CDH5: variants seen among roughly 807,000 people sequenced by gnomAD.
CDH5 encodes cadherin-5.
CDH5 carries 28 observed loss-of-function variants against 62.0 expected under a neutral mutation model. That is an observed-to-expected ratio of 0.45 (90% CI 0.33 to 0.62). CDH5 has a LOEUF of 0.62. CDH5 is among the 20% of genes least tolerant of loss of function. CDH5 has a pLI of 0.02. For synonymous variants in CDH5, 464 were observed against 445.8 expected (o/e 1.04, Z -0.52); for missense variants, 940 against 1,065.1 (o/e 0.88, Z 1.63).
At position 66,395,018 on chromosome 16, in the gene CDH5, C is replaced by CTTT. The variant is rs1174519256; in HGVS notation, c.1218-998_1218-996dup. Reference sequence around the variant, plus strand: ...GCACACACCACCACACCAGGCTAATCTTTTTTTTTTTTTTTTTTTTTTTTT... The same window carrying CTTT: ...GCACACACCACCACACCAGGCTAATCTTTTTTTTTTTTTTTTTTTTTTTTTTTT... On this transcript the variant is annotated intron_variant, in intron 7 of 11. Transcript: ENST00000341529. Among the ~76,000 whole-genome samples, 71 of 13,806 alleles carry CTTT rather than the reference C, an allele frequency of 5.1e-3. 29 individuals are homozygous for CTTT. Among genetic ancestry groups the CTTT allele is most frequent in the Non-Finnish European group, 7.1e-3 (46 of 6,522 alleles). The allele number at this position is 13,806 out of a possible 152,430, so 9.1% of individuals were successfully genotyped here.
chr16:66,386,884 G>A lies in CDH5; in HGVS notation c.286G>A (p.Asp96Asn), dbSNP rs767473826. ...ATATGTGGGCAAGGTCTTCCGGGTC[G>A]ATGCAGAGACAGGAGACGTGTTCGC... Reference protein sequence around the residue: ...GEYVGKVFRVDAETGDVFAIE... With the variant: ...GEYVGKVFRVNAETGDVFAIE... Residue 96 changes from aspartate (D) to asparagine (N), a missense_variant, in exon 3 of 12, where the codon GAT becomes AAT. Transcript: ENST00000341529. 1.3e-5 allele frequency: 21 copies of A among 1,614,068 alleles called. No homozygotes were observed. The highest frequency in any genetic ancestry group is 1.6e-4 in the Middle Eastern group (1 of 6,084).
rs541323375 is a variant in CDH5, at chr16:66,397,927, C to T, written c.1361-55C>T. The T allele has an allele frequency of 1.1e-5, 18 of 1,610,086 alleles. No individual in the cohort carries two copies. In the Admixed American group the frequency reaches 1.2e-4, roughly 10 times the overall value. ...AGCCCTCCTTCCACACATCTTCCAC[C>T]GCCCAAGGCCAGCATCAGCTGAGCC... On this transcript the variant is annotated intron_variant, in intron 8 of 11. Coordinates refer to ENST00000341529, the MANE Select transcript of CDH5 (RefSeq NM_001795.5).
chr16:66,398,604 C>CACCTGTAGACCTGAG (rs750584524), intron 10 of CDH5, 43 bp downstream of exon 10: 10 of 1,006,498 alleles, frequency 9.9e-6, no homozygotes, highest in Admixed American at 8.7e-5. Flanking sequence ...TGATGACCCA[C>CACCTGTAGACCTGAG]ACCTGTAGTC....
intron 7 of CDH5, among the ~76,000 whole-genome samples, chr16:66,394,281 G>A (rs929756361): frequency 2.6e-5 from 4 of 152,064 alleles, no homozygotes; most frequent in African/African-American, 9.7e-5. Context: ...ACATTTGTTA[G>A]TCCTGTTTTC....
intron 1 of CDH5, among the ~76,000 whole-genome samples, chr16:66,373,960 T>G (rs537773484): frequency 6.6e-6 from 1 of 152,114 alleles, no homozygotes; most frequent in African/African-American, 2.4e-5. Flanking sequence ...TCATTATTAT[T>G]ACATGTGAAT....
intron 2 of CDH5, among the ~76,000 whole-genome samples, chr16:66,381,047 C>A (rs1361428082): frequency 6.6e-6 from 1 of 152,104 alleles, no homozygotes; most frequent in Non-Finnish European, 1.5e-5. Context: ...GACCAGCCAA[C>A]CCTGCCGTGA....
chr16:66,387,278 T>C (rs945727144), intron 3 of CDH5, among the ~76,000 whole-genome samples, 181 bp downstream of exon 3: 1 of 152,262 alleles, frequency 6.6e-6, no homozygotes, highest in African/African-American at 2.4e-5. Context: ...AGCTCTGATC[T>C]GGCCACAGGC....
chr16:66,367,761 G>C (rs1225451797), intron 1 of CDH5, among the ~76,000 whole-genome samples: 1 of 152,172 alleles, frequency 6.6e-6, no homozygotes, highest in Non-Finnish European at 1.5e-5. Flanking sequence ...TTTGAACCAG[G>C]ATCTCGTACT....
Position 66,400,955 on chromosome 16 carries a change from C to T in CDH5, c.1776C>T (p.Ala592=), listed in dbSNP as rs1186344797. The change falls in exon 11 of 12, where the codon GCC becomes GCT. Residue 592 remains alanine (A), a synonymous_variant. Coordinates refer to ENST00000341529, the MANE Select transcript of CDH5 (RefSeq NM_001795.5). ...GEFTFCEDMA[A]QVGVSIQAVV... The stretch of plus-strand genomic sequence containing the variant: ...TCACCTTCTGCGAGGATATGGCCGC[C>T]CAGGTGGGCGTGAGCATCCAGGCAG... The T allele has an allele frequency of 1.9e-6, 3 of 1,614,150 alleles. No individual in the cohort carries two copies. In the East Asian group the frequency reaches 6.7e-5, roughly 36 times the overall value.
rs148801037 is a variant in CDH5 at position 66,403,366 on chromosome 16, G to T, written c.*197G>T. The T allele has an allele frequency of 7.5e-4, 446 of 595,700 alleles. 3 individuals carry two copies. The East Asian group carries it at 0.012, about 16-fold the overall frequency. 36.9% of individuals were successfully genotyped at this position (595,700 alleles called of 1,614,324 possible). On this transcript the variant is annotated 3_prime_UTR_variant, in exon 12 of 12. Transcript: ENST00000341529. The surrounding 1 kb of genome is among the most constrained non-coding windows in gnomAD (Gnocchi z 4.3). ...ATATCCAGGAATATATGTCAGTGAT[G>T]ACTATTCTCAAATGCTGGCAAATCC...
chr16:66,403,713 G>A lies in CDH5; in HGVS notation c.*544G>A, dbSNP rs189764487. On this transcript the variant is annotated 3_prime_UTR_variant, in exon 12 of 12. Coordinates refer to ENST00000341529, the MANE Select transcript of CDH5 (RefSeq NM_001795.5). This position sits in a 1 kb window ranked among gnomAD's most constrained non-coding sequence, Gnocchi z 4.3. ...TCCAACTCCATACTCCACTCCAAGT[G>A]CCCCACCACTCCCCAACCCCTCTCC... is the stretch of plus-strand genomic sequence containing the variant. 98 of 161,684 alleles carry A rather than the reference G, an allele frequency of 6.1e-4. No individual in the cohort carries two copies. The highest frequency in any genetic ancestry group is 7.5e-4 in the Non-Finnish European group (55 of 73,590). The allele number at this position is 161,684 out of a possible 1,614,324, so 10.0% of individuals were successfully genotyped here. A position where few individuals can be genotyped will look rare whatever the true frequency, so the allele number is the denominator to read the frequency against.
intron 10 of CDH5, 148 bp from the exon 11 acceptor site, chr16:66,400,623 C>A: frequency 1.1e-6 from 1 of 875,218 alleles, no homozygotes. Flanking sequence ...ACTCAGATGG[C>A]TGAAACAAGA....
intron 1 of CDH5, among the ~76,000 whole-genome samples, chr16:66,368,057 G>A (rs1341013260): frequency 2.0e-5 from 3 of 152,296 alleles, no homozygotes; most frequent in Admixed American, 1.3e-4. Flanking sequence ...AGAGGACATC[G>A]CGAGCACCTC....
At chr16:66,385,939 G>T (rs1399960276) in intron 2 of CDH5, among the ~76,000 whole-genome samples, 1 of 152,202 alleles carries the variant, frequency 6.6e-6, no homozygotes, top group Admixed American at 6.5e-5. Context: ...CACACCACTG[G>T]CTAGGACCCC....
At chr16:66,383,963 C>A (rs1261740102) in intron 2 of CDH5, among the ~76,000 whole-genome samples, 1 of 152,060 alleles carries the variant, frequency 6.6e-6, no homozygotes, top group Non-Finnish European at 1.5e-5. Flanking sequence ...GACTGCACTG[C>A]TGCTAAACCC....
In CDH5 at chr16:66,386,966, T is replaced by A. The variant is rs753413850; in HGVS notation, c.368T>A (p.Val123Glu). The change falls in exon 3 of 12, where the codon GTG (valine) becomes GAG (glutamate). Residue 123 changes from valine (V) to glutamate (E), a missense_variant. Transcript: ENST00000341529. ...ISEYHLTAVI[V>E]DKDTGENLET... is the part of the protein sequence containing the mutation. ...GAGTACCACCTCACTGCTGTCATTGTGGACAAGGACACTGGCGAAAACCTG... is the reference window on the plus strand; with the variant it reads ...GAGTACCACCTCACTGCTGTCATTGAGGACAAGGACACTGGCGAAAACCTG... The A allele has an allele frequency of 1.9e-6, 3 of 1,614,198 alleles. No homozygotes were observed. The highest frequency in any genetic ancestry group is 1.7e-5 in the Admixed American group (1 of 60,028).
rs746812713 is a variant in CDH5, at chr16:66,402,776, C to T, written c.1962C>T (p.Asp654=). The change falls in exon 12 of 12, where the codon GAC becomes GAT. Residue 654 remains aspartate (D), a synonymous_variant. Transcript: ENST00000341529. ...ACGAGGAGGGCGGCGGCGAGATGGA[C>T]ACCACCAGCTACGATGTGTCGGTGC... ...TYDEEGGGEM[D]TTSYDVSVLN... 9 of 1,607,322 alleles carry T rather than the reference C, an allele frequency of 5.6e-6. No individual in the cohort carries two copies. The highest frequency in any genetic ancestry group is 1.7e-4 in the Middle Eastern group (1 of 5,912).
intron 7 of CDH5, among the ~76,000 whole-genome samples, chr16:66,393,961 T>C (rs1432437007): frequency 6.6e-6 from 1 of 152,208 alleles, no homozygotes; most frequent in Non-Finnish European, 1.5e-5. Flanking sequence ...CCTGTAATTA[T>C]AATTTTTGTT....
intron 7 of CDH5, among the ~76,000 whole-genome samples, chr16:66,393,455 G>A (rs992466717): frequency 5.9e-5 from 9 of 152,284 alleles, no homozygotes; most frequent in South Asian, 2.1e-4. Flanking sequence ...CGTCTTACAC[G>A]GCCAGAACAG....
Sources: allele counts gnomAD v4.1 joint callset (sites outside exome capture counted in the v4.1 genomes callset), GRCh38; gene constraint gnomAD v4.1.1; non-coding constraint Gnocchi (gnomAD v3.1); transcripts MANE v1.5; gene names NCBI Gene and HGNC (gene_info 2026-07-23, HGNC 2026-07-21).